The following WDR90 variants were observed in gnomAD, a reference collection of about 807,000 sequenced individuals.
WDR90 encodes WD repeat domain 90.
WDR90 carries 238 observed loss-of-function variants against 195.2 expected under a neutral mutation model. That is an observed-to-expected ratio of 1.22 (90% CI 1.10 to 1.36). The LOEUF is 1.36. WDR90 is among the 40% of genes most tolerant of loss of function. WDR90 has a pLI of 0.00. For synonymous variants in WDR90, 1,265 were observed against 1,052.4 expected (o/e 1.20, Z -3.91); for missense variants, 2,734 against 2,439.5 (o/e 1.12, Z -2.54).
rs559154480 is a variant in WDR90 at position 655,627 on chromosome 16, C to T, written c.1773C>T (p.Val591=). The change falls in exon 16 of 41, where the codon GTC becomes GTT. Residue 591 remains valine (V), a synonymous_variant. Transcript: ENST00000293879. ...HILEIDCQRM[V]VRHARRLLPT... is the part of the protein sequence containing the mutation. ...TGGAGATTGACTGTCAGCGCATGGT[C>T]GTGCGGCATGCCCGCCGCCTGCTCC... The T allele has an allele frequency of 2.2e-4, 354 of 1,608,996 alleles. No individual in the cohort carries two copies. Among genetic ancestry groups the T allele is most frequent in the Non-Finnish European group, 2.9e-4 (340 of 1,177,990 alleles).
At chr16:653,204 G>T in intron 10 of WDR90, 137 bp from the exon 11 acceptor site, 1 of 639,892 alleles carries the variant, frequency 1.6e-6, no homozygotes, top group Non-Finnish European at 2.6e-6. Flanking sequence ...GCCCCTGGGT[G>T]GCTGTGTGCC....
intron 40 of WDR90, 126 bp from the exon 41 acceptor site, chr16:667,306 G>A: frequency 7.6e-7 from 1 of 1,310,044 alleles, no homozygotes; most frequent in African/African-American, 1.5e-5. Context: ...GCACAGCCAG[G>A]AGCCCTTTTA....
chr16:652,176 C>A, intron 9 of WDR90, 137 bp downstream of exon 9: 2 of 1,117,310 alleles, frequency 1.8e-6, no homozygotes, highest in South Asian at 1.5e-5. Context: ...AGGAGCAGAG[C>A]TGGCGGGAGG....
chr16:649,009 A>G, upstream of WDR90: 1 of 188,610 alleles, frequency 5.3e-6, no homozygotes, highest in Non-Finnish European at 1.1e-5. Context: ...GGACGGCGAG[A>G]GAGCGGCAGG....
chr16:656,470 G>T lies in WDR90; in HGVS notation c.2135G>T (p.Arg712Leu). The change falls in exon 18 of 41, where the codon CGG becomes CTG. Residue 712 changes from arginine to leucine, a missense_variant. Coordinates refer to ENST00000293879, the MANE Select transcript of WDR90 (RefSeq NM_145294.5). ...TTGGCCCTCGCCATGGAGCAGAGGC[G>T]GGGACAGCTGGCCACCGTGTCCCAG... is the stretch of plus-strand genomic sequence containing the variant. ...PVLALAMEQR[R>L]GQLATVSQDR... 6.3e-7 allele frequency: 1 copy of T among 1,587,272 alleles called. No individual in the cohort carries two copies. Among genetic ancestry groups the T allele is most frequent in the East Asian group, 2.3e-5 (1 of 43,486 alleles).
chr16:660,079 CG>C lies in WDR90; in HGVS notation c.3211del (p.Ala1071ProfsTer40), dbSNP rs2151293919. On this transcript the variant is annotated frameshift_variant, in exon 27 of 41. Coordinates refer to ENST00000293879, the MANE Select transcript of WDR90 (RefSeq NM_145294.5). LOFTEE classifies it high-confidence loss of function. ...CCAGGCGCCAGGGACACCAGGAATTCGGGGGCCCCACGCACCACCTACCTGG... is the reference window on the plus strand; with the variant it reads ...CCAGGCGCCAGGGACACCAGGAATTCGGGGCCCCACGCACCACCTACCTGG... ...GGDGARDTRN[S>X]GAPRTTYLAS... 2 of 1,546,358 alleles carry C rather than the reference CG, an allele frequency of 1.3e-6. No homozygotes were observed.
At position 649,787 on chromosome 16, in the gene WDR90, T is replaced by A. The variant is rs751393450; in HGVS notation, c.35T>A (p.Val12Asp). The A allele has an allele frequency of 1.9e-6, 3 of 1,571,532 alleles. No homozygotes were observed. The South Asian group carries it at 3.5e-5, about 18-fold the overall frequency. ...GCGTGGCAGCACCCGTTCCTCAACG[T>A]CTTCAGACACTTCCGGGTGGACGAG... Reference protein sequence around the residue: ...ARAWQHPFLNVFRHFRVDEWK... With the variant: ...ARAWQHPFLNDFRHFRVDEWK... Residue 12 changes from valine to aspartate, a missense_variant, in exon 2 of 41, where the codon GTC becomes GAC. Val to Asp is a radical substitution (Grantham distance 152). Coordinates refer to ENST00000293879, the MANE Select transcript of WDR90 (RefSeq NM_145294.5).
At chr16:649,887 C>T in intron 2 of WDR90, 33 bp downstream of exon 2, 1 of 1,578,628 alleles carries the variant, frequency 6.3e-7, no homozygotes, top group Non-Finnish European at 8.6e-7. Context: ...GGAGCCCACA[C>T]CCCTGCCCTG....
chr16:659,870 C>T (rs2037856562), intron 26 of WDR90, among the ~76,000 whole-genome samples, 188 bp from the exon 27 acceptor site: 2 of 152,214 alleles, frequency 1.3e-5, no homozygotes, highest in Non-Finnish European at 2.9e-5. Context: ...GTGAGTCCCC[C>T]GTGTGACGAG....
chr16:661,259 C>T, intron 29 of WDR90, 83 bp from the exon 30 acceptor site: 1 of 1,531,084 alleles, frequency 6.5e-7, no homozygotes, highest in South Asian at 1.2e-5. Flanking sequence ...TTCTCACCAC[C>T]AAAGACGGAG....
rs758764444 is a variant in WDR90 at position 655,705 on chromosome 16, T to A, written c.1849+2T>A. On this transcript the variant is annotated splice_donor_variant, in intron 16 of 40. Coordinates refer to ENST00000293879, the MANE Select transcript of WDR90 (RefSeq NM_145294.5). LOFTEE classifies it high-confidence loss of function. ...CACAGAAGCAGACCTTCAGCTCAGG[T>A]AAGAGGGCGCCCACCACGTGGCCAG... 6.3e-7 allele frequency: 1 copy of A among 1,589,580 alleles called. No homozygotes were observed. The highest frequency in any genetic ancestry group is 8.6e-7 in the Non-Finnish European group (1 of 1,167,564).
At position 651,071 on chromosome 16, in the gene WDR90, A is replaced by T; in HGVS notation, c.636A>T (p.Gly212=). 1 of 1,610,106 alleles carries T rather than the reference A, an allele frequency of 6.2e-7. No homozygotes were observed. The highest frequency in any genetic ancestry group is 1.7e-4 in the Middle Eastern group (1 of 6,046). ...AAATGGCATTCCCTGTGCCCAAGGG[A>T]GAGAGCTGGCATGACCGCTACATCC... is the stretch of plus-strand genomic sequence containing the variant. ...PREMAFPVPK[G]ESWHDRYIHV... The change falls in exon 6 of 41, where the codon GGA becomes GGT. Residue 212 remains glycine (G), a synonymous_variant. Coordinates refer to ENST00000293879, the MANE Select transcript of WDR90 (RefSeq NM_145294.5).
rs985547165 is a variant in WDR90, at chr16:661,915, G to A, written c.3889G>A (p.Ala1297Thr). The A allele has an allele frequency of 6.2e-7, 1 of 1,609,906 alleles. No homozygotes were observed. The change falls in exon 32 of 41, where the codon GCA (alanine) becomes ACA (threonine). Residue 1297 changes from alanine (A) to threonine (T), a missense_variant. Transcript: ENST00000293879. ...GGTGCGTCGAGAGCCAGTCCCAGAG[G>A]CAGTGGGGGCTGGAGAGCTGACCTC... ...LQVRREPVPE[A>T]VGAGELTSLC...
chr16:665,990 GCCCTGAGCA>G lies in WDR90; in HGVS notation c.4476_4484del (p.Pro1493_Gln1495del), dbSNP rs775772353. 11 of 1,602,434 alleles carry G rather than the reference GCCCTGAGCA, an allele frequency of 6.9e-6. No individual in the cohort carries two copies. Among genetic ancestry groups the G allele is most frequent in the Non-Finnish European group, 9.3e-6 (11 of 1,179,094 alleles). Reference sequence around the variant, plus strand: ...GCATGGAGCCCCCCGTGCTGTGGCCGCCCTGAGCAGCAGCGGCTAGCGGCTGGCTACGGT... The same window carrying G: ...GCATGGAGCCCCCCGTGCTGTGGCCGGCAGCGGCTAGCGGCTGGCTACGGT... On this transcript the variant is annotated inframe_deletion, in exon 36 of 41. Coordinates refer to ENST00000293879, the MANE Select transcript of WDR90 (RefSeq NM_145294.5).
intron 18 of WDR90, 71 bp downstream of exon 18, chr16:656,608 TGA>T: frequency 1.3e-6 from 2 of 1,571,624 alleles, no homozygotes; most frequent in East Asian, 2.3e-5. Context: ...TCAGCGGGGG[TGA>T]GAGGGGCCTA....
chr16:661,422 C>T lies in WDR90; in HGVS notation c.3594C>T (p.Cys1198=), dbSNP rs1435495539. ...TCTGGGACGTGTCTGGCGGCCTCTG[C>T]CAGCATCTCATTTTCCCCCATAGCA... ...IRVWDVSGGL[C]QHLIFPHSTT... Residue 1198 remains cysteine, a synonymous_variant, in exon 30 of 41, where the codon TGC becomes TGT. Coordinates refer to ENST00000293879, the MANE Select transcript of WDR90 (RefSeq NM_145294.5). The T allele has an allele frequency of 1.9e-6, 3 of 1,612,296 alleles. No homozygotes were observed. In the Admixed American group the frequency reaches 5.0e-5, roughly 27 times the overall value.
chr16:660,957 C>CCAGGCCCCCCCCCGCCCGGCCT (rs2037886966), intron 28 of WDR90, 94 bp from the exon 29 acceptor site: 1 of 376,856 alleles, frequency 2.7e-6, no homozygotes, highest in Non-Finnish European at 3.2e-6. Context: ...ACGGCTCGGC[C>CCAGGCCCCCCCCCGCCCGGCCT]CAGGCCCCGC....
At chr16:664,543 C>T (rs1326092734) in intron 34 of WDR90, among the ~76,000 whole-genome samples, 1 of 152,172 alleles carries the variant, frequency 6.6e-6, no homozygotes, top group Admixed American at 6.5e-5. Flanking sequence ...TTCTGGGCCC[C>T]GCCTGTGTGG....
chr16:658,125 G>A, intron 21 of WDR90, 58 bp from the exon 22 acceptor site: 1 of 1,565,292 alleles, frequency 6.4e-7, no homozygotes, highest in Non-Finnish European at 8.7e-7. Context: ...GCCTGACCCT[G>A]GGTGGCACCG....
Sources: gnomAD v4.1 joint callset for allele counts (sites outside exome capture counted in the v4.1 genomes callset) on GRCh38, gnomAD v4.1.1 for gene constraint, MANE v1.5 for transcripts, NCBI Gene and HGNC (gene_info 2026-07-23, HGNC 2026-07-21) for gene names.